XRCC1: variants seen among roughly 807,000 people sequenced by gnomAD.
XRCC1 encodes DNA repair protein XRCC1.
In XRCC1, 52 loss-of-function variants were observed where a neutral mutation model predicts 83.3. The observed-to-expected ratio is 0.62, with a 90% CI of 0.50 to 0.79. XRCC1 has a LOEUF of 0.79. Ranked by LOEUF, XRCC1 falls within the 30% of genes least tolerant of loss-of-function variation. XRCC1 has a pLI of 0.00. For missense variants in XRCC1, 793 were observed against 823.5 expected, an observed-to-expected ratio of 0.96 and a Z score of 0.45; for synonymous variants, 281 against 312.6, an observed-to-expected ratio of 0.90 and a Z score of 1.07.
intron 10 of XRCC1, among the ~76,000 whole-genome samples, chr19:43,549,625 T>C (rs926130209): frequency 1.3e-5 from 2 of 152,120 alleles, no homozygotes; most frequent in African/African-American, 4.8e-5. Context: ...GGTGCAATCA[T>C]GGCTCATTGC....
Position 43,544,233 on chromosome 19 carries a change from A to G in XRCC1, c.1623T>C (p.Asp541=). 3 of 1,607,312 alleles carry G rather than the reference A, an allele frequency of 1.9e-6. No homozygotes were observed. The highest frequency in any genetic ancestry group is 2.5e-6 in the Non-Finnish European group (3 of 1,176,832). ...PPDLPVPELP[D]FFQGKHFFLY... Reference sequence around the variant, plus strand: ...GAAAGAAGTGCTTGCCCTGGAAGAAATCTGCAGGAGAGAAGGGGGCTAAGG... The same window carrying G: ...GAAAGAAGTGCTTGCCCTGGAAGAAGTCTGCAGGAGAGAAGGGGGCTAAGG... The change falls in exon 15 of 17, where the codon GAT becomes GAC. Residue 541 remains aspartate (D), a splice_region_variant and synonymous_variant. Transcript: ENST00000262887.
Position 43,575,505 on chromosome 19 carries a change from G to T in XRCC1, c.-47C>A. 1 of 1,593,524 alleles carries T rather than the reference G, an allele frequency of 6.3e-7. No individual in the cohort carries two copies. ...TGGCCAGAAGGATGAGGTAGAGTATGGGGTCCGAGGGGCAGGGAGAGTGGG... is the reference window on the plus strand; with the variant it reads ...TGGCCAGAAGGATGAGGTAGAGTATTGGGTCCGAGGGGCAGGGAGAGTGGG... On this transcript the variant is annotated 5_prime_UTR_variant, in exon 1 of 17. Transcript: ENST00000262887.
chr19:43,560,570 G>A (rs1373396605), intron 3 of XRCC1, among the ~76,000 whole-genome samples: 1 of 152,124 alleles, frequency 6.6e-6, no homozygotes, highest in East Asian at 1.9e-4. Context: ...GCAAGGAAAT[G>A]GATTCTCCCC....
chr19:43,545,990 TGCAGA>T lies in XRCC1; in HGVS notation c.1482-38_1482-34del, dbSNP rs747986617. 2.2e-5 allele frequency: 35 copies of T among 1,613,634 alleles called. No individual in the cohort carries two copies. The South Asian group carries it at 3.7e-4, about 17-fold the overall frequency. On this transcript the variant is annotated intron_variant, in intron 13 of 16. Coordinates refer to ENST00000262887, the MANE Select transcript of XRCC1 (RefSeq NM_006297.3). Reference sequence around the variant, plus strand: ...TGCCAAGAGGAGTAGAGAGTGAGCATGCAGAGCAGCCTCCCCTACACCCAAGGCCA... The same window carrying T: ...TGCCAAGAGGAGTAGAGAGTGAGCATGCAGCCTCCCCTACACCCAAGGCCA...
At chr19:43,553,325 C>T (rs1972601304) in intron 6 of XRCC1, 76 bp downstream of exon 6, 1 of 1,518,996 alleles carries the variant, frequency 6.6e-7, no homozygotes, top group Non-Finnish European at 9.1e-7. Context: ...ATCTGAGCCC[C>T]AGCCCCCTCT....
intron 2 of XRCC1, 175 bp downstream of exon 2, chr19:43,574,735 G>A (rs1465496291): frequency 1.7e-6 from 1 of 600,578 alleles, no homozygotes; most frequent in Non-Finnish European, 3.0e-6. Flanking sequence ...TTAATCCTTG[G>A]GTCTCCTTTC....
chr19:43,566,031 T>C (rs1356391902), intron 2 of XRCC1, among the ~76,000 whole-genome samples: 1 of 151,394 alleles, frequency 6.6e-6, no homozygotes, highest in Admixed American at 6.6e-5. Flanking sequence ...AGGCCAGGAG[T>C]TCAAGACCAG....
chr19:43,547,790 G>A (rs185857368), intron 10 of XRCC1, among the ~76,000 whole-genome samples: 3 of 152,200 alleles, frequency 2.0e-5, no homozygotes, highest in East Asian at 1.9e-4. Flanking sequence ...ATGAACCACA[G>A]TACCCAGAAT....
At position 43,546,742 on chromosome 19, in the gene XRCC1, T is replaced by C; in HGVS notation, c.1294-15A>G. On this transcript the variant is annotated splice_polypyrimidine_tract_variant and intron_variant, in intron 11 of 16. Transcript: ENST00000262887. ...GTCTGGGGTTGCTAAGGAGGGAGAG[T>C]GGGTGGGTGAGGAGGGCAGGAACAG... 1 of 1,598,706 alleles carries C rather than the reference T, an allele frequency of 6.3e-7. No individual in the cohort carries two copies. The highest frequency in any genetic ancestry group is 1.8e-5 in the Admixed American group (1 of 57,036).
At position 43,553,385 on chromosome 19, in the gene XRCC1, C is replaced by G. The variant is rs6413430; in HGVS notation, c.601+16G>C. On this transcript the variant is annotated intron_variant, in intron 6 of 16. Coordinates refer to ENST00000262887, the MANE Select transcript of XRCC1 (RefSeq NM_006297.3). ...CTCAACCCTACTCACTCAGGACCCA[C>G]GTTGTCCGAGCTCACCTGGGGATGT... 6.2e-7 allele frequency: 1 copy of G among 1,613,292 alleles called. No homozygotes were observed.
chr19:43,561,712 C>A (rs1972701096), intron 2 of XRCC1, among the ~76,000 whole-genome samples: 1 of 152,210 alleles, frequency 6.6e-6, no homozygotes, highest in South Asian at 2.1e-4. Context: ...GAGGGCTCAT[C>A]TCAAAGGATC....
intron 2 of XRCC1, 193 bp downstream of exon 2, chr19:43,574,717 T>C (rs1323356836): frequency 1.7e-6 from 1 of 587,338 alleles, no homozygotes; most frequent in Admixed American, 2.9e-5. Flanking sequence ...CCTGTGGTCA[T>C]CCTGGACTTA....
At chr19:43,564,712 G>C (rs551891794) in intron 2 of XRCC1, among the ~76,000 whole-genome samples, 23 of 151,056 alleles carry the variant, frequency 1.5e-4, no homozygotes, top group Non-Finnish European at 1.5e-5. Context: ...TGCTTAAACC[G>C]GGGGGGCGGA....
At chr19:43,547,038 A>T (rs1972520125) in intron 10 of XRCC1, 61 bp from the exon 11 acceptor site, 1 of 1,514,630 alleles carries the variant, frequency 6.6e-7, no homozygotes, top group Admixed American at 1.7e-5. Flanking sequence ...GGCGTTCAGG[A>T]GGCAACAGCC....
chr19:43,549,497 G>A lies in XRCC1; in HGVS notation c.1199+2074C>T, dbSNP rs538616405. 6.2e-4 allele frequency among the ~76,000 whole-genome samples: 95 copies of A among 152,282 alleles called. 2 individuals carry two copies. The highest frequency in any genetic ancestry group is 2.0e-3 in the African/African-American group (83 of 41,554). ...GCTGGTCTCAAACTCCTGATGTCACGTGATCTGCCCACCTTGGCCTCCCAA... is the reference window on the plus strand; with the variant it reads ...GCTGGTCTCAAACTCCTGATGTCACATGATCTGCCCACCTTGGCCTCCCAA... On this transcript the variant is annotated intron_variant, in intron 10 of 16. Transcript: ENST00000262887.
At chr19:43,572,843 C>A (rs1397297966) in intron 2 of XRCC1, among the ~76,000 whole-genome samples, 1 of 151,540 alleles carries the variant, frequency 6.6e-6, no homozygotes, top group Non-Finnish European at 1.5e-5. Context: ...AGTCCCTAAT[C>A]TCAGTGGTTT....
chr19:43,547,778 G>C (rs1972528071), intron 10 of XRCC1, among the ~76,000 whole-genome samples: 1 of 152,130 alleles, frequency 6.6e-6, no homozygotes, highest in Non-Finnish European at 1.5e-5. Flanking sequence ...GGGATTACAG[G>C]CATGAACCAC....
chr19:43,543,370 G>C lies in XRCC1; in HGVS notation c.*22C>G. 1 of 1,441,490 alleles carries C rather than the reference G, an allele frequency of 6.9e-7. No individual in the cohort carries two copies. The highest frequency in any genetic ancestry group is 9.7e-7 in the Non-Finnish European group (1 of 1,033,718). The allele number at this position is 1,441,490 out of a possible 1,614,324, so 89.3% of individuals were successfully genotyped here. ...TGTGTGTGTGTGTGTGTGTGTGTGT[G>C]TGTGTGTGTATAGCACATACTTCAG... On this transcript the variant is annotated 3_prime_UTR_variant, in exon 17 of 17. Transcript: ENST00000262887.
chr19:43,544,713 TG>T (rs1484589809), intron 14 of XRCC1, among the ~76,000 whole-genome samples: 6 of 152,178 alleles, frequency 3.9e-5, no homozygotes, highest in African/African-American at 1.4e-4. Context: ...ATTGACATGT[TG>T]CTCAGGCTGG....
Sources: gnomAD v4.1 joint callset for allele counts (sites outside exome capture counted in the v4.1 genomes callset) on GRCh38, gnomAD v4.1.1 for gene constraint, MANE v1.5 for transcripts, NCBI Gene and HGNC (gene_info 2026-07-23, HGNC 2026-07-21) for gene names.